DYNLT2: variants seen among roughly 807,000 people sequenced by gnomAD.
The protein encoded by DYNLT2 is dynein light chain Tctex-type protein 2.
A neutral mutation model predicts 24.3 loss-of-function variants in DYNLT2; 24 were observed. The observed-to-expected ratio is 0.99, with a 90% confidence interval of 0.71 to 1.39. The LOEUF (loss-of-function observed/expected upper bound fraction) is 1.39. DYNLT2 is among the 40% of genes most tolerant of loss of function. The probability of loss-of-function intolerance (pLI) is 0.00; values close to 1 mark genes in which losing one functional copy is unlikely to be tolerated. For missense variants in DYNLT2, 246 were observed against 234.5 expected (o/e 1.05, Z -0.32); for synonymous variants, 85 against 85.4 (o/e 1.00, Z 0.03).
the DYNLT2 span, chr6:169,725,877 C>G: frequency 3.3e-5 from 5 of 152,252 alleles, no homozygotes; most frequent in Admixed American, 6.5e-5. Context: ...AGGACATTTG[C>G]GCAGCAACTG....
downstream of DYNLT2, among the ~76,000 whole-genome samples, chr6:169,735,673 T>C (rs1238742582): frequency 4.6e-5 from 7 of 152,224 alleles, no homozygotes; most frequent in South Asian, 1.0e-3. Flanking sequence ...TCAGTTCTTT[T>C]GCATTTGCTG....
downstream of DYNLT2, among the ~76,000 whole-genome samples, chr6:169,736,822 T>A (rs1384918743): frequency 3.9e-5 from 6 of 152,158 alleles, no homozygotes; most frequent in Non-Finnish European, 1.5e-5. Context: ...AGTATCTTAA[T>A]GGTGTTGTCT....
At chr6:169,737,597 G>A (rs1312736174), downstream of DYNLT2, among the ~76,000 whole-genome samples, 1 of 152,008 alleles carries the variant, frequency 6.6e-6, no homozygotes, top group Non-Finnish European at 1.5e-5. Flanking sequence ...CAGTTTGCTG[G>A]GGTGAATGGC....
chr6:169,731,041 G>T, the DYNLT2 span, among the ~76,000 whole-genome samples: 1 of 152,122 alleles, frequency 6.6e-6, no homozygotes, highest in Admixed American at 6.5e-5. Flanking sequence ...TGATAGCAGG[G>T]CAGAGGTTTT....
rs1230416956 is a variant in DYNLT2 at position 169,744,197 on chromosome 6, T to C, written c.198A>G (p.Ser66=). Residue 66 remains serine (S), a synonymous_variant, in exon 2 of 4, where the codon TCA becomes TCG. Coordinates refer to ENST00000366774, the MANE Select transcript of DYNLT2 (RefSeq NM_174910.3). ...VQYVEPPFDD[S]IADIGKEWKS... is the part of the protein sequence containing the mutation. ...TCCATTCTTTACCTATATCAGCAAT[T>C]GAGTCATCAAAAGGAGGCTCCACAT... The C allele has an allele frequency of 6.2e-7, 1 of 1,613,772 alleles. No homozygotes were observed. The highest frequency in any genetic ancestry group is 8.5e-7 in the Non-Finnish European group (1 of 1,179,988).
the DYNLT2 span, among the ~76,000 whole-genome samples, chr6:169,734,712 A>G: frequency 1.3e-5 from 2 of 152,096 alleles, no homozygotes; most frequent in Admixed American, 1.3e-4. Context: ...GAATTTTCAC[A>G]TTGATGTTCA....
chr6:169,729,252 T>C, the DYNLT2 span, among the ~76,000 whole-genome samples: 1 of 152,238 alleles, frequency 6.6e-6, no homozygotes, highest in Non-Finnish European at 1.5e-5. Context: ...TACCTTGTTT[T>C]TTCTACTTAC....
intron 3 of DYNLT2, among the ~76,000 whole-genome samples, chr6:169,742,858 CAAACTACTGGGATTACA>C (rs1789709445): frequency 6.6e-6 from 1 of 152,208 alleles, no homozygotes; most frequent in African/African-American, 2.4e-5. Context: ...CTCAGCCTCC[CAAACTACTGGGATTACA>C]GGCATGAGCC....
chr6:169,738,457 C>T (rs1789605641), downstream of DYNLT2, among the ~76,000 whole-genome samples: 1 of 152,298 alleles, frequency 6.6e-6, no homozygotes, highest in South Asian at 2.1e-4. Flanking sequence ...GTGGGTTGCA[C>T]AGTTCCATGG....
At chr6:169,740,097 T>G, downstream of DYNLT2, 1 of 873,218 alleles carries the variant, frequency 1.1e-6, no homozygotes, top group South Asian at 1.7e-5. Flanking sequence ...ATATAGCAAA[T>G]CAGAAATATT....
chr6:169,740,810 ATT>A (rs35611898), intron 3 of DYNLT2, among the ~76,000 whole-genome samples: 2,739 of 144,270 alleles, frequency 0.019, 81 homozygotes, highest in African/African-American at 0.066. Flanking sequence ...AATGGCCCCA[ATT>A]TTTTTTTTTT....
chr6:169,751,555 C>G lies in DYNLT2; in HGVS notation c.-97G>C. The G allele has an allele frequency of 3.1e-6, 5 of 1,610,428 alleles. No individual in the cohort carries two copies. The highest frequency in any genetic ancestry group is 4.2e-6 in the Non-Finnish European group (5 of 1,178,756). On this transcript the variant is annotated 5_prime_UTR_variant, in exon 1 of 4. Transcript: ENST00000366774. The stretch of plus-strand genomic sequence containing the variant: ...CGAGGGCGGAAGTCTCCCACCTGCG[C>G]CTCGTACGGTAGGAAGTGCCCGCCA...
chr6:169,740,112 G>A lies in DYNLT2; in HGVS notation c.*73C>T, dbSNP rs1469301278. ...ATATAGCAAATCAGAAATATTATGAGGTTTACAAATATGTAAATTTCATTT... is the reference window on the plus strand; with the variant it reads ...ATATAGCAAATCAGAAATATTATGAAGTTTACAAATATGTAAATTTCATTT... On this transcript the variant is annotated 3_prime_UTR_variant, in exon 4 of 4. Transcript: ENST00000366774. 3.1e-6 allele frequency: 3 copies of A among 957,478 alleles called. No homozygotes were observed. The highest frequency in any genetic ancestry group is 3.3e-6 in the Non-Finnish European group (2 of 608,918). 59.3% of individuals were successfully genotyped at this position (957,478 alleles called of 1,614,324 possible).
the DYNLT2 span, among the ~76,000 whole-genome samples, chr6:169,733,395 C>T: frequency 1.3e-5 from 2 of 152,146 alleles, no homozygotes; most frequent in Non-Finnish European, 2.9e-5. Flanking sequence ...CCTAGGTTTT[C>T]TTCTAGAGTT....
the DYNLT2 span, among the ~76,000 whole-genome samples, chr6:169,733,293 C>T: frequency 6.6e-6 from 1 of 152,060 alleles, no homozygotes; most frequent in Non-Finnish European, 1.5e-5. Context: ...AGTTTAATTA[C>T]ATTCCATTTG....
chr6:169,751,513 C>A lies in DYNLT2; in HGVS notation c.-55G>T. The A allele has an allele frequency of 1.2e-6, 2 of 1,608,130 alleles. No individual in the cohort carries two copies. The highest frequency in any genetic ancestry group is 1.3e-5 in the African/African-American group (1 of 74,892). On this transcript the variant is annotated 5_prime_UTR_variant, in exon 1 of 4. Coordinates refer to ENST00000366774, the MANE Select transcript of DYNLT2 (RefSeq NM_174910.3). ...CTCCCCTTCACCGCCGGCGGTCAAACGCCCTAGCCAGTCCCGCGAGGGCGG... is the reference window on the plus strand; with the variant it reads ...CTCCCCTTCACCGCCGGCGGTCAAAAGCCCTAGCCAGTCCCGCGAGGGCGG...
chr6:169,732,081 C>T, the DYNLT2 span, among the ~76,000 whole-genome samples: 2 of 152,220 alleles, frequency 1.3e-5, no homozygotes, highest in South Asian at 4.1e-4. Flanking sequence ...TAGGTTATTA[C>T]TAATTTTTTC....
downstream of DYNLT2, among the ~76,000 whole-genome samples, chr6:169,738,437 CT>C (rs1038021639): frequency 1.3e-5 from 2 of 152,200 alleles, no homozygotes. Context: ...CAAGTGGAAT[CT>C]TCTGATCTGT....
the DYNLT2 span, chr6:169,725,300 C>G: frequency 5.0e-6 from 2 of 398,644 alleles, no homozygotes. Flanking sequence ...GGTTTCCTTT[C>G]CATTCATTAT....
Sources: allele counts gnomAD v4.1 joint callset (sites outside exome capture counted in the v4.1 genomes callset), GRCh38; gene constraint gnomAD v4.1.1; transcripts MANE v1.5; gene names NCBI Gene and HGNC (gene_info 2026-07-23, HGNC 2026-07-21).